The following CPSF2 variants were observed in gnomAD, a reference collection of about 807,000 sequenced individuals.
CPSF2 encodes the protein cleavage and polyadenylation specificity factor subunit 2.
Under a neutral mutation model 84.2 loss-of-function variants are expected in CPSF2, and 51 were observed. That is an observed-to-expected ratio of 0.61 (90% confidence interval 0.48 to 0.77). CPSF2 has a LOEUF of 0.77. Ranked by LOEUF, CPSF2 falls within the 30% of genes least tolerant of loss-of-function variation. CPSF2 has a pLI of 0.00. For missense variants in CPSF2, 641 were observed against 929.4 expected (o/e 0.69, Z 4.03); for synonymous variants, 286 against 311.9 (o/e 0.92, Z 0.87).
chr14:92,134,279 CTT>C lies in CPSF2; in HGVS notation c.341_342del (p.Phe114TyrfsTer4). 6.2e-7 allele frequency: 1 copy of C among 1,613,594 alleles called. No homozygotes were observed. Among genetic ancestry groups the C allele is most frequent in the Non-Finnish European group, 8.5e-7 (1 of 1,179,610 alleles). On this transcript the variant is annotated frameshift_variant, in exon 5 of 16. Coordinates refer to ENST00000298875, the MANE Select transcript of CPSF2 (RefSeq NM_017437.3). LOFTEE classifies it high-confidence loss of function. The part of the protein sequence containing the change: ...SRHNTEDFTL[F>X]TLDDVDAAFD... ...GACACAATACAGAAGATTTTACACTCTTTACATTAGATGATGTGGATGCAGCC... is the reference window on the plus strand; with the variant it reads ...GACACAATACAGAAGATTTTACACTCTACATTAGATGATGTGGATGCAGCC...
At chr14:92,130,324 C>A (rs1053535137) in intron 2 of CPSF2, among the ~76,000 whole-genome samples, 1 of 152,042 alleles carries the variant, frequency 6.6e-6, no homozygotes, top group African/African-American at 2.4e-5. Context: ...AGGTTTTTAT[C>A]AGATTCTCAA....
At position 92,148,178 on chromosome 14, in the gene CPSF2, T is replaced by C. The variant is rs546168103; in HGVS notation, c.1140+4884T>C. 3.1e-3 allele frequency among the ~76,000 whole-genome samples: 472 copies of C among 152,328 alleles called. 3 individuals are homozygous for C. Among genetic ancestry groups the C allele is most frequent in the Middle Eastern group, 6.8e-3 (2 of 294 alleles). On this transcript the variant is annotated intron_variant, in intron 9 of 15. Transcript: ENST00000298875. ...GAGATTCCCCCTTTTCCATTACTTTTAATTTTGAAAAAATTTCAAACAGGA... is the reference window on the plus strand; with the variant it reads ...GAGATTCCCCCTTTTCCATTACTTTCAATTTTGAAAAAATTTCAAACAGGA...
intron 2 of CPSF2, among the ~76,000 whole-genome samples, chr14:92,129,971 C>T (rs2068894754): frequency 6.6e-6 from 1 of 152,102 alleles, no homozygotes; most frequent in Non-Finnish European, 1.5e-5. Context: ...TGGTCTCAAA[C>T]TCCTGAACTC....
At position 92,155,106 on chromosome 14, in the gene CPSF2, T is replaced by C; in HGVS notation, c.1242-17T>C. 6.4e-7 allele frequency: 1 copy of C among 1,570,688 alleles called. No homozygotes were observed. Among genetic ancestry groups the C allele is most frequent in the East Asian group, 2.2e-5 (1 of 44,608 alleles). ...TTTGAAACTTTATGACCTTGATCTA[T>C]TCTAAAATCCTCCTAGGGCAGATAT... On this transcript the variant is annotated splice_polypyrimidine_tract_variant and intron_variant, in intron 10 of 15. Transcript: ENST00000298875.
Position 92,143,155 on chromosome 14 carries a change from A to C in CPSF2, c.1001A>C (p.Glu334Ala). Residue 334 changes from glutamate to alanine, a missense_variant, in exon 9 of 16, where the codon GAA becomes GCA. Glu to Ala is a moderately radical substitution (Grantham distance 107). Transcript: ENST00000298875. Reference sequence around the variant, plus strand: ...GTACTTGCCAGCCAACCTGACCTGGAATGCGGATTTTCAAGGGATCTCTTT... The same window carrying C: ...GTACTTGCCAGCCAACCTGACCTGGCATGCGGATTTTCAAGGGATCTCTTT... ...KVVLASQPDL[E>A]CGFSRDLFIQ... 2 of 1,614,074 alleles carry C rather than the reference A, an allele frequency of 1.2e-6. No homozygotes were observed. Among genetic ancestry groups the C allele is most frequent in the East Asian group, 4.5e-5 (2 of 44,868 alleles).
In CPSF2 at chr14:92,145,197, A is replaced by G. The variant is rs550130765; in HGVS notation, c.1140+1903A>G. On this transcript the variant is annotated intron_variant, in intron 9 of 15. Coordinates refer to ENST00000298875, the MANE Select transcript of CPSF2 (RefSeq NM_017437.3). ...GTAACAAACCTTAACATAAAGCAGTATCATAAAGCTGCTTCTCATTTTGTC... is the reference window on the plus strand; with the variant it reads ...GTAACAAACCTTAACATAAAGCAGTGTCATAAAGCTGCTTCTCATTTTGTC... Among the ~76,000 whole-genome samples, 8 of 152,364 alleles carry G rather than the reference A, an allele frequency of 5.3e-5. No homozygotes were observed. The South Asian group carries it at 1.7e-3, about 32-fold the overall frequency.
At chr14:92,131,727 T>A (rs2068933768) in intron 3 of CPSF2, among the ~76,000 whole-genome samples, 1 of 151,812 alleles carries the variant, frequency 6.6e-6, no homozygotes, top group African/African-American at 2.4e-5. Context: ...TAATCCCAGC[T>A]ACTTGGGAGG....
intron 1 of CPSF2, among the ~76,000 whole-genome samples, chr14:92,123,552 C>T (rs1466732151): frequency 6.6e-6 from 1 of 152,126 alleles, no homozygotes; most frequent in African/African-American, 2.4e-5. Flanking sequence ...GCGCAGCCAC[C>T]GCGCCCGGCT....
At chr14:92,129,047 T>A (rs552036900) in intron 2 of CPSF2, among the ~76,000 whole-genome samples, 20 of 152,150 alleles carry the variant, frequency 1.3e-4, no homozygotes, top group Non-Finnish European at 2.6e-4. Context: ...AGAGCTTTAA[T>A]GGGACTAGAC....
chr14:92,150,004 A>T (rs1275167080), intron 9 of CPSF2, among the ~76,000 whole-genome samples: 1 of 152,182 alleles, frequency 6.6e-6, no homozygotes, highest in Non-Finnish European at 1.5e-5. Flanking sequence ...GGAAGTATTA[A>T]TAAAGAATTT....
rs1235106271 is a variant in CPSF2 at position 92,143,290 on chromosome 14, T to C, written c.1136T>C (p.Ile379Thr). The change falls in exon 9 of 16, where the codon ATA (isoleucine) becomes ACA (threonine). Residue 379 changes from isoleucine to threonine, a missense_variant. Ile to Thr is a moderately conservative substitution (Grantham distance 89). Coordinates refer to ENST00000298875, the MANE Select transcript of CPSF2 (RefSeq NM_017437.3). ...AATCCTTCTGAAAAAATTACAGAAA[T>C]AGAGGTAAGCACTTGTATGTGAACT... Reference protein sequence around the residue: ...IDNPSEKITEIELRKRVKLEG... With the variant: ...IDNPSEKITETELRKRVKLEG... The C allele has an allele frequency of 6.3e-7, 1 of 1,595,628 alleles. No individual in the cohort carries two copies. Among genetic ancestry groups the C allele is most frequent in the East Asian group, 2.2e-5 (1 of 44,786 alleles).
chr14:92,134,026 T>C lies in CPSF2; in HGVS notation c.165T>C (p.Ile55=). The change falls in exon 4 of 16, where the codon ATT becomes ATC. Residue 55 remains isoleucine (I), a synonymous_variant. Transcript: ENST00000298875. ...IDSLRKHVHQ[I]DAVLLSHPDP... ...GTTCTTGTAGGCATGTTCACCAGATTGATGCAGTGCTGTTGTCTCACCCTG... is the reference window on the plus strand; with the variant it reads ...GTTCTTGTAGGCATGTTCACCAGATCGATGCAGTGCTGTTGTCTCACCCTG... 2 of 1,614,192 alleles carry C rather than the reference T, an allele frequency of 1.2e-6. No homozygotes were observed. The highest frequency in any genetic ancestry group is 8.5e-7 in the Non-Finnish European group (1 of 1,180,032).
Position 92,166,304 on chromosome 14 carries a change from G to C in CPSF2, c.*4560G>C, listed in dbSNP as rs2069446648. The C allele has an allele frequency of 2.0e-5, 3 of 151,374 alleles. No homozygotes were observed. The South Asian group carries it at 6.3e-4, about 32-fold the overall frequency. 9.4% of individuals were successfully genotyped at this position (151,374 alleles called of 1,614,324 possible). A position where few individuals can be genotyped will look rare whatever the true frequency, so the allele number is the denominator to read the frequency against. On this transcript the variant is annotated 3_prime_UTR_variant, in exon 16 of 16. Transcript: ENST00000298875. ...TTTTTCTAACAGTTTTACAGTTTAG[G>C]CTCTTATCATTAGGTCTTTCATTTA...
At chr14:92,153,420 T>C (rs778496153) in intron 9 of CPSF2, among the ~76,000 whole-genome samples, 5 of 152,168 alleles carry the variant, frequency 3.3e-5, no homozygotes, top group African/African-American at 4.8e-5. Flanking sequence ...TTCTTTTCAG[T>C]TTCTTATTTT....
chr14:92,168,902 T>G lies in CPSF2; in HGVS notation c.*7158T>G, dbSNP rs531396898. ...CCATATAGTCAAAGAGAACCAAAAATGTATGTGCTTTTTTTGTGAAATTGT... is the reference window on the plus strand; with the variant it reads ...CCATATAGTCAAAGAGAACCAAAAAGGTATGTGCTTTTTTTGTGAAATTGT... On this transcript the variant is annotated 3_prime_UTR_variant, in exon 16 of 16. Coordinates refer to ENST00000298875, the MANE Select transcript of CPSF2 (RefSeq NM_017437.3). The G allele has an allele frequency of 6.6e-6, 1 of 152,302 alleles. No homozygotes were observed. Among genetic ancestry groups the G allele is most frequent in the East Asian group, 1.9e-4 (1 of 5,182 alleles). The allele number at this position is 152,302 out of a possible 1,614,324, so 9.4% of individuals were successfully genotyped here.
rs920562441 is a variant in CPSF2 at position 92,164,103 on chromosome 14, A to T, written c.*2359A>T. On this transcript the variant is annotated 3_prime_UTR_variant, in exon 16 of 16. Transcript: ENST00000298875. ...TCTTCCTGCTGCCATGTGAAGAAGG[A>T]TGTGTTTGCTTCCCCTTCCACCATG... 1 of 153,596 alleles carries T rather than the reference A, an allele frequency of 6.5e-6. No homozygotes were observed. 9.5% of individuals were successfully genotyped at this position (153,596 alleles called of 1,614,324 possible).
rs978462486 is a variant in CPSF2, at chr14:92,142,136, A to T, written c.662-28A>T. ...TTGTAGCATAGTATTGTTACGTTCT[A>T]TGGGGATTTTACATTCTTGTTTTCT... On this transcript the variant is annotated intron_variant, in intron 7 of 15. Transcript: ENST00000298875. The T allele has an allele frequency of 3.9e-6, 6 of 1,535,868 alleles. No homozygotes were observed. In the African/African-American group the frequency reaches 4.1e-5, roughly 10 times the overall value.
Position 92,155,130 on chromosome 14 carries a change from A to G in CPSF2, c.1249A>G (p.Ile417Val), listed in dbSNP as rs1253302205. ...KKLEQSKEAD[I>V]DSSDESDIEE... is the part of the protein sequence containing the mutation. ...ATTCTAAAATCCTCCTAGGGCAGATATAGATTCCAGTGATGAGAGTGATAT... is the reference window on the plus strand; with the variant it reads ...ATTCTAAAATCCTCCTAGGGCAGATGTAGATTCCAGTGATGAGAGTGATAT... Residue 417 changes from isoleucine (I) to valine (V), a missense_variant, in exon 11 of 16, where the codon ATA becomes GTA. Ile to Val is a conservative substitution (Grantham distance 29, BLOSUM62 3). Coordinates refer to ENST00000298875, the MANE Select transcript of CPSF2 (RefSeq NM_017437.3). The G allele has an allele frequency of 6.2e-7, 1 of 1,611,432 alleles. No individual in the cohort carries two copies.
intron 7 of CPSF2, among the ~76,000 whole-genome samples, chr14:92,138,889 A>G (rs962302819): frequency 1.3e-5 from 2 of 150,008 alleles, no homozygotes; most frequent in African/African-American, 5.0e-5. Flanking sequence ...TCTGTTTAGC[A>G]CTTTTCTTGG....
Sources: gnomAD v4.1 joint callset for allele counts (sites outside exome capture counted in the v4.1 genomes callset) on GRCh38, gnomAD v4.1.1 for gene constraint, MANE v1.5 for transcripts, NCBI Gene and HGNC (gene_info 2026-07-23, HGNC 2026-07-21) for gene names.